Variants in VAMP3 observed in about 807,000 individuals in gnomAD.
The protein encoded by VAMP3 is vesicle-associated membrane protein 3.
In VAMP3, 11 loss-of-function variants were observed where a neutral mutation model predicts 18.1. The ratio of observed to expected loss-of-function variants is 0.61; its 90% CI spans 0.38 to 1.00. VAMP3 has a LOEUF of 1.00. Among genes scored for constraint, VAMP3 ranks in the 50% least tolerant of loss-of-function variants. The pLI is 0.01. For synonymous variants in VAMP3, 49 were observed against 43.1 expected, an observed-to-expected ratio of 1.14 and a Z score of -0.53; for missense variants, 122 against 127.3, an observed-to-expected ratio of 0.96 and a Z score of 0.20.
At chr1:7,778,843 GATA>G (rs1328550600) in intron 4 of VAMP3, among the ~76,000 whole-genome samples, 2 of 151,556 alleles carry the variant, frequency 1.3e-5, no homozygotes, top group Non-Finnish European at 2.9e-5. Context: ...GTAAAATGGG[GATA>G]ATAATAGTCC....
At chr1:7,776,963 C>T (rs1441853104) in intron 2 of VAMP3, 197 bp from the exon 3 acceptor site, 4 of 434,462 alleles carry the variant, frequency 9.2e-6, no homozygotes, top group Non-Finnish European at 1.2e-5. Context: ...CCCAGCACCC[C>T]TCCCGGCTGA....
chr1:7,774,602 C>T (rs1269664941), intron 2 of VAMP3, among the ~76,000 whole-genome samples: 1 of 152,164 alleles, frequency 6.6e-6, no homozygotes, highest in East Asian at 1.9e-4. Flanking sequence ...CTAATCAGCT[C>T]TCTCTTTCTG....
intron 4 of VAMP3, among the ~76,000 whole-genome samples, chr1:7,778,572 C>T (rs537166117): frequency 2.0e-5 from 3 of 151,594 alleles, no homozygotes; most frequent in Admixed American, 1.3e-4. Context: ...CCAAGGTTTT[C>T]AGTTTTCTTT....
intron 4 of VAMP3, among the ~76,000 whole-genome samples, chr1:7,779,185 T>A (rs697676): frequency 0.9 from 136,361 of 152,164 alleles, 61,246 homozygotes; most frequent in East Asian, 0.97. Context: ...ACAGAGCAAG[T>A]CTCCGTCTCA....
chr1:7,771,603 G>A (rs913628165), intron 1 of VAMP3, among the ~76,000 whole-genome samples: 1 of 152,190 alleles, frequency 6.6e-6, no homozygotes, highest in Admixed American at 6.5e-5. Context: ...GAAGGGGCAA[G>A]GGCGGGGCGG....
At chr1:7,773,222 T>G in intron 1 of VAMP3, 1 of 544,614 alleles carries the variant, frequency 1.8e-6, no homozygotes, top group Non-Finnish European at 3.3e-6. Flanking sequence ...AAGCTTAACA[T>G]TTGTCCCTTT....
rs2097057182 is a variant in VAMP3 at position 7,781,422 on chromosome 1, T to G, written c.*1777T>G. 6.6e-6 allele frequency: 1 copy of G among 152,396 alleles called. No homozygotes were observed. The highest frequency in any genetic ancestry group is 1.5e-5 in the Non-Finnish European group (1 of 68,076). The allele number at this position is 152,396 out of a possible 1,614,324, so 9.4% of individuals were successfully genotyped here. A position where few individuals can be genotyped will look rare whatever the true frequency, so the allele number is the denominator to read the frequency against. On this transcript the variant is annotated 3_prime_UTR_variant, in exon 5 of 5. Coordinates refer to ENST00000054666, the MANE Select transcript of VAMP3 (RefSeq NM_004781.4). ...ACTGTAATCACCTAAATAAAGTGTT[T>G]ATAAACATGATTGTGGCACCTGTGC...
At chr1:7,772,211 G>A (rs952541532) in intron 1 of VAMP3, among the ~76,000 whole-genome samples, 4 of 152,220 alleles carry the variant, frequency 2.6e-5, no homozygotes, top group African/African-American at 9.6e-5. Context: ...AGAGAGTTAT[G>A]AGGGTTAAAG....
Position 7,779,753 on chromosome 1 carries a change from T to G in VAMP3, c.*108T>G. 1 of 1,478,408 alleles carries G rather than the reference T, an allele frequency of 6.8e-7. No homozygotes were observed. The allele number at this position is 1,478,408 out of a possible 1,614,324, so 91.6% of individuals were successfully genotyped here. On this transcript the variant is annotated 3_prime_UTR_variant, in exon 5 of 5. Coordinates refer to ENST00000054666, the MANE Select transcript of VAMP3 (RefSeq NM_004781.4). ...CTACTGTTATCTCTAAAATTTTTTTTGTGTTAATGTAAAGTTGAATTTCTA... is the reference window on the plus strand; with the variant it reads ...CTACTGTTATCTCTAAAATTTTTTTGGTGTTAATGTAAAGTTGAATTTCTA...
chr1:7,777,115 T>G, intron 2 of VAMP3, 45 bp from the exon 3 acceptor site: 1 of 1,567,628 alleles, frequency 6.4e-7, no homozygotes, highest in Non-Finnish European at 8.7e-7. Context: ...CTGGCCCTGT[T>G]CCTCCATTCT....
chr1:7,779,595 C>T, intron 4 of VAMP3, 31 bp from the exon 5 acceptor site: 1 of 1,614,054 alleles, frequency 6.2e-7, no homozygotes, highest in Non-Finnish European at 8.5e-7. Context: ...TGCTGTTTCC[C>T]CTGCCTTTTT....
chr1:7,772,429 G>T (rs1470589967), intron 1 of VAMP3, among the ~76,000 whole-genome samples: 1 of 152,172 alleles, frequency 6.6e-6, no homozygotes, highest in African/African-American at 2.4e-5. Context: ...AAGAGAGTAA[G>T]AAGACCCAGG....
rs1020607865 is a variant in VAMP3 at position 7,777,403 on chromosome 1, C to T, written c.231+85C>T. ...ACAGGCTACAGATAATGGACTTTCA[C>T]GACTCTGGGAGGTGGGTTTGACTTC... is the stretch of plus-strand genomic sequence containing the variant. On this transcript the variant is annotated intron_variant, in intron 3 of 4. Coordinates refer to ENST00000054666, the MANE Select transcript of VAMP3 (RefSeq NM_004781.4). 1.1e-5 allele frequency: 16 copies of T among 1,482,430 alleles called. No homozygotes were observed. The African/African-American group carries it at 1.1e-4, about 10-fold the overall frequency. 91.8% of individuals were successfully genotyped at this position (1,482,430 alleles called of 1,614,324 possible). A position where few individuals can be genotyped will look rare whatever the true frequency, so the allele number is the denominator to read the frequency against.
intron 2 of VAMP3, among the ~76,000 whole-genome samples, chr1:7,774,058 A>G (rs746511520): frequency 1.5e-3 from 223 of 152,342 alleles, no homozygotes; most frequent in Non-Finnish European, 2.6e-3. Context: ...GAGGACCTCC[A>G]TCTTTTGTTC....
chr1:7,778,037 A>G, intron 3 of VAMP3, 81 bp from the exon 4 acceptor site: 1 of 1,441,270 alleles, frequency 6.9e-7, no homozygotes, highest in South Asian at 1.1e-5. Context: ...TTCAGTGACT[A>G]GATGAATATT....
In VAMP3 at chr1:7,777,273, G is replaced by C. The variant is rs114336504; in HGVS notation, c.186G>C (p.Thr62=). 2.1e-5 allele frequency: 34 copies of C among 1,613,562 alleles called. No individual in the cohort carries two copies. The highest frequency in any genetic ancestry group is 7.7e-5 in the South Asian group (7 of 90,930). ...AGGCAGGCGCTTCTCAATTTGAAAC[G>C]AGCGCAGCCAAGTTGAAGAGGAAAT... ...ALQAGASQFE[T]SAAKLKRKYW... is the part of the protein sequence containing the mutation. The change falls in exon 3 of 5, where the codon ACG becomes ACC. Residue 62 remains threonine, a synonymous_variant. Transcript: ENST00000054666.
chr1:7,777,279 A>G lies in VAMP3; in HGVS notation c.192A>G (p.Ala64=), dbSNP rs2150366355. Residue 64 remains alanine, a synonymous_variant, in exon 3 of 5, where the codon GCA becomes GCG. Transcript: ENST00000054666. ...QAGASQFETS[A]AKLKRKYWWK... is the part of the protein sequence containing the mutation. ...GCGCTTCTCAATTTGAAACGAGCGC[A>G]GCCAAGTTGAAGAGGAAATATTGGT... 1.2e-6 allele frequency: 2 copies of G among 1,613,708 alleles called. No individual in the cohort carries two copies. Among genetic ancestry groups the G allele is most frequent in the Middle Eastern group, 1.7e-4 (1 of 6,058 alleles).
intron 4 of VAMP3, among the ~76,000 whole-genome samples, chr1:7,778,605 G>C (rs2097055553): frequency 6.6e-6 from 1 of 151,806 alleles, no homozygotes; most frequent in South Asian, 2.1e-4. Context: ...AAGTACTTGA[G>C]TTTTGTATAA....
chr1:7,772,334 A>G (rs1042268297), intron 1 of VAMP3, among the ~76,000 whole-genome samples: 3 of 152,220 alleles, frequency 2.0e-5, no homozygotes, highest in African/African-American at 7.2e-5. Flanking sequence ...TCATTGACAC[A>G]TGACAGATGT....
Sources: allele counts gnomAD v4.1 joint callset (sites outside exome capture counted in the v4.1 genomes callset), GRCh38; gene constraint gnomAD v4.1.1; transcripts MANE v1.5; gene names NCBI Gene and HGNC (gene_info 2026-07-23, HGNC 2026-07-21).